Variants in BICRA observed in about 807,000 individuals in gnomAD.
BICRA encodes the protein BRD4 interacting chromatin remodeling complex associated protein.
BICRA carries 31 observed loss-of-function variants against 96.9 expected under a neutral mutation model. The observed-to-expected ratio is 0.32, with a 90% CI of 0.24 to 0.43. The LOEUF (loss-of-function observed/expected upper bound fraction) is 0.43, where lower values mean the gene tolerates loss of function less well. BICRA is among the 20% of genes least tolerant of loss of function. The pLI is 1.00. For missense variants in BICRA, 2,283 were observed against 2,190.3 expected, an observed-to-expected ratio of 1.04 and a Z score of -0.84; for synonymous variants, 1,350 against 1,071.8, an observed-to-expected ratio of 1.26 and a Z score of -5.07.
chr19:47,675,065 A>G lies in BICRA; in HGVS notation c.85-786A>G, dbSNP rs1250374604. On this transcript the variant is annotated intron_variant, in intron 4 of 14. Coordinates refer to ENST00000594866, the MANE Select transcript of BICRA (RefSeq NM_001394372.1). The surrounding 1 kb of genome is among the most constrained non-coding windows in gnomAD (Gnocchi z 4.7). Reference sequence around the variant, plus strand: ...GCATGTGGCACTGGATTTGGGATCTATCTGGGAGGTGGCATCAACTAGACT... The same window carrying G: ...GCATGTGGCACTGGATTTGGGATCTGTCTGGGAGGTGGCATCAACTAGACT... 2.6e-5 allele frequency among the ~76,000 whole-genome samples: 4 copies of G among 152,140 alleles called. No homozygotes were observed. The highest frequency in any genetic ancestry group is 7.2e-5 in the African/African-American group (3 of 41,432).
chr19:47,637,280 C>T lies in BICRA; in HGVS notation c.-108+28112C>T, dbSNP rs868488773. Among the ~76,000 whole-genome samples the T allele has an allele frequency of 9.2e-5, 14 of 151,954 alleles. No homozygotes were observed. In the South Asian group the frequency reaches 1.2e-3, roughly 14 times the overall value. ...GACTACAGGCGCCCGCCACCACACC[C>T]GGCTAATTTTTTGTATTTTTAGTAG... On this transcript the variant is annotated intron_variant, in intron 1 of 14. Coordinates refer to ENST00000594866, the MANE Select transcript of BICRA (RefSeq NM_001394372.1).
chr19:47,688,972 C>T (rs896809601), intron 7 of BICRA, among the ~76,000 whole-genome samples: 5 of 151,868 alleles, frequency 3.3e-5, no homozygotes, highest in African/African-American at 1.2e-4. Flanking sequence ...GATTTACAGG[C>T]ACATGCCAGC....
chr19:47,633,938 C>G (rs1256751671), intron 1 of BICRA, among the ~76,000 whole-genome samples: 4 of 152,244 alleles, frequency 2.6e-5, no homozygotes, highest in Non-Finnish European at 5.9e-5. Context: ...TGCGTTCACC[C>G]TGTCCCCCTC....
chr19:47,695,203 C>G (rs1018370640), intron 9 of BICRA, 123 bp downstream of exon 9: 27 of 817,082 alleles, frequency 3.3e-5, no homozygotes, highest in Non-Finnish European at 4.8e-5. Flanking sequence ...AGCCAGAACT[C>G]AAGGGACACA....
chr19:47,646,994 T>A (rs1287661695), intron 1 of BICRA, among the ~76,000 whole-genome samples: 1 of 152,214 alleles, frequency 6.6e-6, no homozygotes, highest in Non-Finnish European at 1.5e-5. Context: ...GTCTACTTTC[T>A]GGCTCTGTGA....
At chr19:47,611,843 CAG>C (rs746793454) in intron 1 of BICRA, among the ~76,000 whole-genome samples, 3 of 151,428 alleles carry the variant, frequency 2.0e-5, no homozygotes, top group Admixed American at 1.3e-4. Flanking sequence ...AGTGTGGGCA[CAG>C]GGGAGGAATG....
intron 1 of BICRA, among the ~76,000 whole-genome samples, chr19:47,634,370 G>T (rs995659480): frequency 4.7e-4 from 71 of 152,186 alleles, no homozygotes; most frequent in African/African-American, 1.5e-3. Flanking sequence ...GGCCATGTTG[G>T]CTGTGCCCAC....
intron 4 of BICRA, among the ~76,000 whole-genome samples, chr19:47,674,758 G>A (rs1384352125): frequency 2.0e-5 from 3 of 152,176 alleles, no homozygotes; most frequent in Non-Finnish European, 4.4e-5. Flanking sequence ...TGCTGCTTGA[G>A]TGTCTTCACA....
intron 1 of BICRA, among the ~76,000 whole-genome samples, chr19:47,617,425 G>A (rs945357709): frequency 4.6e-5 from 7 of 151,270 alleles, no homozygotes; most frequent in East Asian, 3.9e-4. Flanking sequence ...GTGTAGTGGC[G>A]CCATATCGGC....
intron 1 of BICRA, among the ~76,000 whole-genome samples, chr19:47,654,814 AC>A (rs1169607089): frequency 3.0e-4 from 46 of 151,814 alleles, no homozygotes; most frequent in African/African-American, 1.1e-3. Context: ...AAATCACAAA[AC>A]AACACACCTG....
Position 47,701,639 on chromosome 19 carries a change from C to A in BICRA, c.3907C>A (p.Arg1303=). 2 of 1,589,588 alleles carry A rather than the reference C, an allele frequency of 1.3e-6. No individual in the cohort carries two copies. Among genetic ancestry groups the A allele is most frequent in the East Asian group, 2.3e-5 (1 of 43,446 alleles). ...CCCGCCCATCAAGACCTACGAGGCC[C>A]GGAGCCGCATCGGGCTCAAGCTCAA... ...NRPPIKTYEA[R]SRIGLKLKIK... Residue 1303 remains arginine (R), a synonymous_variant, in exon 15 of 15, where the codon CGG becomes AGG. Coordinates refer to ENST00000594866, the MANE Select transcript of BICRA (RefSeq NM_001394372.1). The surrounding 1 kb of genome is among the most constrained non-coding windows in gnomAD (Gnocchi z 5.4).
intron 1 of BICRA, among the ~76,000 whole-genome samples, chr19:47,669,805 C>T (rs1344910511): frequency 1.3e-5 from 2 of 151,514 alleles, no homozygotes; most frequent in African/African-American, 2.4e-5. Context: ...TACAGGCGCC[C>T]GCCAGCACGC....
chr19:47,664,271 C>A (rs1473200415), intron 1 of BICRA, among the ~76,000 whole-genome samples: 2 of 152,148 alleles, frequency 1.3e-5, no homozygotes, highest in Non-Finnish European at 2.9e-5. Flanking sequence ...TGCTAGCAGC[C>A]TGGCTTCTGC....
chr19:47,667,104 C>T (rs565551330), intron 1 of BICRA, among the ~76,000 whole-genome samples: 31 of 151,348 alleles, frequency 2.0e-4, no homozygotes, highest in Non-Finnish European at 3.2e-4. Context: ...CTGCAACCTC[C>T]GCCTCCCGGG....
At chr19:47,652,574 T>C (rs902679396) in intron 1 of BICRA, among the ~76,000 whole-genome samples, 2 of 152,222 alleles carry the variant, frequency 1.3e-5, no homozygotes, top group African/African-American at 4.8e-5. Context: ...AATCCCAGGT[T>C]CTAATCTCAT....
In BICRA at chr19:47,694,491, C is replaced by T. The variant is rs775636237; in HGVS notation, c.2660C>T (p.Ala887Val). The T allele has an allele frequency of 1.3e-6, 2 of 1,509,950 alleles. No homozygotes were observed. Among genetic ancestry groups the T allele is most frequent in the Non-Finnish European group, 1.8e-6 (2 of 1,103,074 alleles). 93.5% of individuals were successfully genotyped at this position (1,509,950 alleles called of 1,614,324 possible). A position where few individuals can be genotyped will look rare whatever the true frequency, so the allele number is the denominator to read the frequency against. ...CTCCCTCCATCCTCCACCTCCTCTG[C>T]TGTGGCCTCCTCCTCTGAGACGTCC... ...PHLPPSSTSS[A>V]VASSSETSSR... is the part of the protein sequence containing the mutation. The change falls in exon 8 of 15, where the codon GCT becomes GTT. Residue 887 changes from alanine (A) to valine (V), a missense_variant. Ala to Val is a moderately conservative substitution (Grantham distance 64). Transcript: ENST00000594866.
intron 6 of BICRA, 41 bp from the exon 7 acceptor site, chr19:47,681,935 T>TG: frequency 2.1e-6 from 3 of 1,440,338 alleles, no homozygotes; most frequent in Non-Finnish European, 2.8e-6. Flanking sequence ...CGAGGGCCTG[T>TG]GGGGGCGGCT....
At chr19:47,627,280 G>A (rs1283512037) in intron 1 of BICRA, among the ~76,000 whole-genome samples, 5 of 152,168 alleles carry the variant, frequency 3.3e-5, no homozygotes, top group African/African-American at 9.7e-5. Context: ...GTCAGGATTT[G>A]GGGGGTGTGG....
intron 1 of BICRA, among the ~76,000 whole-genome samples, chr19:47,645,268 C>T (rs1030673840): frequency 1.1e-4 from 17 of 152,116 alleles, no homozygotes; most frequent in African/African-American, 3.4e-4. Flanking sequence ...TAGAAGGGTC[C>T]AGGCCAGTTA....
Sources: allele counts gnomAD v4.1 joint callset (sites outside exome capture counted in the v4.1 genomes callset), GRCh38; gene constraint gnomAD v4.1.1; non-coding constraint Gnocchi (gnomAD v3.1); transcripts MANE v1.5; gene names NCBI Gene and HGNC (gene_info 2026-07-23, HGNC 2026-07-21).